The following BTRC variants were observed in gnomAD, a reference collection of about 807,000 sequenced individuals.
BTRC encodes beta-transducin repeat containing E3 ubiquitin protein ligase, also known as F-box/WD repeat-containing protein 1A.
A neutral mutation model predicts 85.5 loss-of-function variants in BTRC; 42 were observed. The observed-to-expected ratio is 0.49, with a 90% CI of 0.38 to 0.64. The LOEUF is 0.64. Ranked by LOEUF, BTRC falls within the 30% of genes least tolerant of loss-of-function variation. The pLI, the probability that BTRC is intolerant of heterozygous loss-of-function variation, is 0.00. For missense variants in BTRC, 594 were observed against 743.5 expected (o/e 0.80, Z 2.34); for synonymous variants, 255 against 263.3 (o/e 0.97, Z 0.30).
intron 8 of BTRC, among the ~76,000 whole-genome samples, 144 bp from the exon 9 acceptor site, chr10:101,532,799 CGCGCGCGCG>C (rs1564831092): frequency 6.9e-6 from 1 of 144,698 alleles, no homozygotes; most frequent in East Asian, 2.0e-4. Context: ...TGCGCGTGTG[CGCGCGCGCG>C]CGCTTAGCTA....
intron 1 of BTRC, among the ~76,000 whole-genome samples, chr10:101,375,284 C>T (rs1942761176): frequency 6.6e-6 from 1 of 151,980 alleles, no homozygotes; most frequent in African/African-American, 2.4e-5. Context: ...CTCTTCCCCC[C>T]TTCTCTTCTT....
At chr10:101,539,813 G>C (rs2062439496) in intron 13 of BTRC, among the ~76,000 whole-genome samples, 1 of 152,174 alleles carries the variant, frequency 6.6e-6, no homozygotes, top group South Asian at 2.1e-4. Context: ...GAGAGTTCCA[G>C]TTACTCCACA....
chr10:101,505,191 AC>A, intron 4 of BTRC, among the ~76,000 whole-genome samples: 1 of 140,110 alleles, frequency 7.1e-6, no homozygotes. Flanking sequence ...TTTAGTAGAC[AC>A]GAGGTTTCAC....
chr10:101,355,763 TG>T (rs1942016554), intron 1 of BTRC, among the ~76,000 whole-genome samples: 1 of 152,232 alleles, frequency 6.6e-6, no homozygotes, highest in African/African-American at 2.4e-5. Context: ...AATACTTTTT[TG>T]GAATCTAGTC....
chr10:101,551,147 C>G (rs922453663), intron 14 of BTRC: 2 of 332,214 alleles, frequency 6.0e-6, no homozygotes, highest in Non-Finnish European at 1.1e-5. Context: ...CCCTAGTTAT[C>G]TAGTAGTACT....
At chr10:101,412,448 C>T (rs999106334) in intron 1 of BTRC, among the ~76,000 whole-genome samples, 1 of 152,094 alleles carries the variant, frequency 6.6e-6, no homozygotes, top group Admixed American at 6.6e-5. Flanking sequence ...TGTTCAGTGT[C>T]TTGAAATATA....
chr10:101,417,707 T>G (rs1943984571), intron 1 of BTRC, among the ~76,000 whole-genome samples: 1 of 152,206 alleles, frequency 6.6e-6, no homozygotes. Flanking sequence ...ATTTTAGAGA[T>G]AGGGTCTTGT....
intron 1 of BTRC, among the ~76,000 whole-genome samples, chr10:101,373,211 A>G (rs899692644): frequency 3.3e-5 from 5 of 152,200 alleles, no homozygotes; most frequent in Non-Finnish European, 5.9e-5. Flanking sequence ...AAGATCTGTA[A>G]TTTACATTTG....
At chr10:101,518,104 G>A (rs1003380940) in intron 4 of BTRC, among the ~76,000 whole-genome samples, 4 of 151,802 alleles carry the variant, frequency 2.6e-5, no homozygotes, top group Admixed American at 2.0e-4. Context: ...AGTAGAGACG[G>A]GGTTTCACCG....
At chr10:101,421,596 C>T (rs912980272) in intron 1 of BTRC, among the ~76,000 whole-genome samples, 1 of 147,634 alleles carries the variant, frequency 6.8e-6, no homozygotes, top group African/African-American at 2.5e-5. Flanking sequence ...AGGTATATCT[C>T]CTAATGCTAT....
intron 1 of BTRC, among the ~76,000 whole-genome samples, chr10:101,414,893 G>A (rs1156242934): frequency 6.6e-6 from 1 of 151,716 alleles, no homozygotes; most frequent in African/African-American, 2.4e-5. Context: ...TATTACAAAA[G>A]AGTCAAAAAG....
intron 1 of BTRC, among the ~76,000 whole-genome samples, chr10:101,413,979 T>C (rs1471514958): frequency 2.6e-5 from 4 of 152,226 alleles, no homozygotes; most frequent in Non-Finnish European, 1.5e-5. Flanking sequence ...TGTGTTAATA[T>C]GTACATACCA....
chr10:101,358,479 A>G (rs760553068), intron 1 of BTRC, among the ~76,000 whole-genome samples: 4 of 152,364 alleles, frequency 2.6e-5, no homozygotes, highest in Middle Eastern at 3.4e-3. Flanking sequence ...CTTGAAATAG[A>G]TGAAATAATT....
chr10:101,524,279 T>C (rs2062159653), intron 5 of BTRC, among the ~76,000 whole-genome samples: 1 of 152,208 alleles, frequency 6.6e-6, no homozygotes, highest in East Asian at 1.9e-4. Context: ...AATAGTTTTC[T>C]TTGTACAAAA....
chr10:101,441,879 C>CAAAAAAAA (rs35543012), intron 2 of BTRC, among the ~76,000 whole-genome samples: 1 of 85,742 alleles, frequency 1.2e-5, no homozygotes, highest in Non-Finnish European at 2.2e-5. Context: ...GAGACTGTCT[C>CAAAAAAAA]AAAAAAAAAA....
intron 1 of BTRC, chr10:101,364,843 G>A (rs768026178): frequency 4.9e-5 from 7 of 143,284 alleles, no homozygotes; most frequent in African/African-American, 1.6e-4. Context: ...TTGTATCCCC[G>A]GAGCGAGTGC....
At chr10:101,416,544 T>A (rs1564758970) in intron 1 of BTRC, among the ~76,000 whole-genome samples, 1 of 152,130 alleles carries the variant, frequency 6.6e-6, no homozygotes, top group Non-Finnish European at 1.5e-5. Flanking sequence ...ATTGAAAGCC[T>A]GAGTTGTTGT....
chr10:101,501,752 A>G (rs1946405187), intron 4 of BTRC, among the ~76,000 whole-genome samples: 1 of 152,228 alleles, frequency 6.6e-6, no homozygotes, highest in East Asian at 1.9e-4. Context: ...AAACTATTTC[A>G]TGCTCTAAGA....
chr10:101,493,597 A>G (rs531066619), intron 4 of BTRC, among the ~76,000 whole-genome samples: 18 of 152,368 alleles, frequency 1.2e-4, no homozygotes, highest in African/African-American at 4.1e-4. Context: ...AATGTTAACA[A>G]TTTACTAACA....
Sources: gnomAD v4.1 joint callset for allele counts (sites outside exome capture counted in the v4.1 genomes callset) on GRCh38, gnomAD v4.1.1 for gene constraint, MANE v1.5 for transcripts, NCBI Gene and HGNC (gene_info 2026-07-23, HGNC 2026-07-21) for gene names.